Variants in TRIO observed in about 807,000 individuals in gnomAD.
TRIO encodes the protein trio Rho guanine nucleotide exchange factor.
A neutral mutation model predicts 351.9 loss-of-function variants in TRIO; 58 were observed. That is an observed-to-expected ratio of 0.16 (90% confidence interval 0.13 to 0.21). TRIO has a LOEUF of 0.21. Ranked by LOEUF, TRIO falls within the 10% of genes least tolerant of loss-of-function variation. TRIO has a pLI of 1.00. For missense variants in TRIO, 3,201 were observed against 4,027.8 expected (o/e 0.79, Z 5.56); for synonymous variants, 1,758 against 1,595.7 (o/e 1.10, Z -2.42).
intron 3 of TRIO, among the ~76,000 whole-genome samples, chr5:14,285,139 C>T (rs928702983): frequency 1.3e-5 from 2 of 152,128 alleles, no homozygotes; most frequent in Non-Finnish European, 2.9e-5. Flanking sequence ...GTGATGTTAC[C>T]CGGATTGTAA....
At chr5:14,469,882 TTCTC>T (rs1219182939) in intron 37 of TRIO, among the ~76,000 whole-genome samples, 2 of 152,204 alleles carry the variant, frequency 1.3e-5, no homozygotes, top group Non-Finnish European at 2.9e-5. Context: ...TCTGGAGCCT[TTCTC>T]TTTCTTTTCT....
At chr5:14,273,453 AC>A (rs1735213222) in intron 2 of TRIO, among the ~76,000 whole-genome samples, 1 of 152,238 alleles carries the variant, frequency 6.6e-6, no homozygotes, top group South Asian at 2.1e-4. Context: ...TAAATGTCTT[AC>A]TGACTTTGTG....
chr5:14,171,321 G>A (rs993907988), intron 1 of TRIO, among the ~76,000 whole-genome samples: 2 of 152,108 alleles, frequency 1.3e-5, no homozygotes, highest in Non-Finnish European at 2.9e-5. Context: ...TGACTAAGTC[G>A]GCCTTTGGTC....
intron 36 of TRIO, among the ~76,000 whole-genome samples, chr5:14,464,301 T>C (rs1226466813): frequency 1.3e-5 from 2 of 152,228 alleles, no homozygotes; most frequent in Admixed American, 1.3e-4. Context: ...GTTGACTTAC[T>C]CACCCATAAG....
chr5:14,397,977 C>T (rs1747754488), intron 29 of TRIO, among the ~76,000 whole-genome samples: 2 of 152,168 alleles, frequency 1.3e-5, no homozygotes, highest in African/African-American at 4.8e-5. Flanking sequence ...TGCCAACATT[C>T]CATTTAGCAG....
chr5:14,445,088 T>C (rs942637045), intron 34 of TRIO, among the ~76,000 whole-genome samples: 1 of 152,200 alleles, frequency 6.6e-6, no homozygotes. Flanking sequence ...TAGTTTTTCA[T>C]TCTGAAAAAT....
At chr5:14,150,158 C>G (rs1045447250) in intron 1 of TRIO, among the ~76,000 whole-genome samples, 14 of 152,208 alleles carry the variant, frequency 9.2e-5, no homozygotes, top group African/African-American at 3.1e-4. Flanking sequence ...GAATAGATCA[C>G]AAACTATAGT....
chr5:14,218,278 G>GGTGC (rs1792352717), intron 1 of TRIO, among the ~76,000 whole-genome samples: 1 of 152,106 alleles, frequency 6.6e-6, no homozygotes, highest in African/African-American at 2.4e-5. Context: ...AGCTTAGGGT[G>GGTGC]GTGCCTGGAC....
At chr5:14,263,089 C>T (rs932298977) in intron 1 of TRIO, among the ~76,000 whole-genome samples, 8 of 152,320 alleles carry the variant, frequency 5.3e-5, no homozygotes, top group East Asian at 3.9e-4. Context: ...TTCCACACTT[C>T]GCACAGATCT....
In TRIO at chr5:14,390,881, T is replaced by C. The variant is rs78797841; in HGVS notation, c.4129-20T>C. 1 of 493,860 alleles carries C rather than the reference T, an allele frequency of 2.0e-6. No individual in the cohort carries two copies. The highest frequency in any genetic ancestry group is 5.1e-5 in the South Asian group (1 of 19,612). The allele number at this position is 493,860 out of a possible 1,614,324, so 30.6% of individuals were successfully genotyped here. On this transcript the variant is annotated intron_variant, in intron 26 of 56. Transcript: ENST00000344204. ...GACTTGTTATGATTTAAATGAGATCTTTTTTTTTTTGGCTTACAGGCAGAC... is the reference window on the plus strand; with the variant it reads ...GACTTGTTATGATTTAAATGAGATCCTTTTTTTTTTGGCTTACAGGCAGAC...
chr5:14,336,450 A>G, intron 10 of TRIO, 86 bp from the exon 11 acceptor site: 1 of 1,310,018 alleles, frequency 7.6e-7, no homozygotes, highest in South Asian at 1.4e-5. Flanking sequence ...TCACAAATTG[A>G]CTGTGTTGCT....
chr5:14,497,074 G>T lies in TRIO; in HGVS notation c.8019+57G>T. ...ATCCCAGCATGAGAGAAAGGATCAG[G>T]GAGGGCAGAGACTCTGCAGACCTGA... is the stretch of plus-strand genomic sequence containing the variant. On this transcript the variant is annotated intron_variant, in intron 50 of 56. Transcript: ENST00000344204. This position sits in a 1 kb window ranked among gnomAD's most constrained non-coding sequence, Gnocchi z 4.4. 1 of 1,599,086 alleles carries T rather than the reference G, an allele frequency of 6.3e-7. No individual in the cohort carries two copies. Among genetic ancestry groups the T allele is most frequent in the South Asian group, 1.1e-5 (1 of 88,922 alleles).
chr5:14,334,025 A>G (rs1339238013), intron 10 of TRIO, among the ~76,000 whole-genome samples: 1 of 152,188 alleles, frequency 6.6e-6, no homozygotes, highest in African/African-American at 2.4e-5. Flanking sequence ...CGTGTGAGGA[A>G]CTGTGGCTTA....
intron 8 of TRIO, among the ~76,000 whole-genome samples, chr5:14,311,189 A>G (rs1013749692): frequency 1.3e-5 from 2 of 152,244 alleles, no homozygotes; most frequent in Non-Finnish European, 1.5e-5. Context: ...GGTGCAGCCT[A>G]TGGAACACAC....
intron 29 of TRIO, among the ~76,000 whole-genome samples, chr5:14,398,202 C>T (rs547909940): frequency 6.6e-6 from 1 of 152,202 alleles, no homozygotes; most frequent in Non-Finnish European, 1.5e-5. Context: ...TGGGCAGCCT[C>T]TGCCCTAGGG....
At chr5:14,168,198 C>A (rs1190996361) in intron 1 of TRIO, among the ~76,000 whole-genome samples, 1 of 152,226 alleles carries the variant, frequency 6.6e-6, no homozygotes, top group Non-Finnish European at 1.5e-5. Flanking sequence ...AGTGTGTCAT[C>A]CTGAAATCAG....
intron 1 of TRIO, among the ~76,000 whole-genome samples, chr5:14,157,318 A>G (rs1048186578): frequency 6.6e-6 from 1 of 152,224 alleles, no homozygotes; most frequent in African/African-American, 2.4e-5. Context: ...CCCAGAAATC[A>G]TGGAACGGTG....
At chr5:14,481,748 C>T in intron 45 of TRIO, 130 bp downstream of exon 45, 1 of 524,716 alleles carries the variant, frequency 1.9e-6, no homozygotes, top group East Asian at 3.9e-5. Flanking sequence ...CACTTTACCT[C>T]AATCTGATTG....
intron 1 of TRIO, among the ~76,000 whole-genome samples, chr5:14,151,583 C>A (rs554464218): frequency 2.6e-5 from 4 of 152,282 alleles, no homozygotes; most frequent in Admixed American, 2.0e-4. Flanking sequence ...GTATAAATGA[C>A]ATGAATGCTT....
Sources: allele counts gnomAD v4.1 joint callset (sites outside exome capture counted in the v4.1 genomes callset), GRCh38; gene constraint gnomAD v4.1.1; non-coding constraint Gnocchi (gnomAD v3.1); transcripts MANE v1.5; gene names NCBI Gene and HGNC (gene_info 2026-07-23, HGNC 2026-07-21).